The following ZNF841 variants were observed in gnomAD, a reference collection of about 807,000 sequenced individuals.
ZNF841 encodes zinc finger protein 841, also known as TCONS_00006091.
In ZNF841, 11 loss-of-function variants were observed where a neutral mutation model predicts 13.0. The ratio of observed to expected loss-of-function variants is 0.85; its 90% CI spans 0.53 to 1.40. The LOEUF (loss-of-function observed/expected upper bound fraction) is 1.40. Among genes scored for constraint, ZNF841 ranks in the 40% most tolerant of loss-of-function variants. The pLI, the probability that ZNF841 is intolerant of heterozygous loss-of-function variation, is 0.00. For missense variants in ZNF841, 1,068 were observed against 1,139.5 expected (o/e 0.94, Z 0.90); for synonymous variants, 369 against 381.6 (o/e 0.97, Z 0.38).
chr19:52,093,130 C>A (rs894979246), intron 2 of ZNF841, among the ~76,000 whole-genome samples: 2 of 151,956 alleles, frequency 1.3e-5, no homozygotes, highest in African/African-American at 2.4e-5. Flanking sequence ...AAAAAGAAAA[C>A]CTTACAAAAT....
At position 52,089,373 on chromosome 19, in the gene ZNF841, T is replaced by C. The variant is rs150964235; in HGVS notation, c.-143-371A>G. Among the ~76,000 whole-genome samples the C allele has an allele frequency of 6.0e-3, 909 of 152,192 alleles. 8 individuals are homozygous for C. The highest frequency in any genetic ancestry group is 0.021 in the African/African-American group (863 of 41,530). On this transcript the variant is annotated intron_variant, in intron 2 of 6. Coordinates refer to ENST00000594440, the MANE Select transcript of ZNF841 (RefSeq NM_001136499.2). ...AAAATCATTAATGAGCCAGGCATGA[T>C]TGCTCACCCCTGTAATCCCAGCACT...
At chr19:52,078,242 A>G (rs1228705605) in intron 4 of ZNF841, among the ~76,000 whole-genome samples, 1 of 152,030 alleles carries the variant, frequency 6.6e-6, no homozygotes, top group Admixed American at 6.6e-5. Context: ...GGCCGAGATC[A>G]TGCCACTGCA....
chr19:52,075,306 G>A (rs2087863492), intron 6 of ZNF841, among the ~76,000 whole-genome samples: 1 of 152,220 alleles, frequency 6.6e-6, no homozygotes, highest in Non-Finnish European at 1.5e-5. Flanking sequence ...CTTGAAATGA[G>A]ACAGTGCTCT....
intron 2 of ZNF841, among the ~76,000 whole-genome samples, chr19:52,093,509 T>C (rs1002542857): frequency 2.6e-5 from 4 of 152,310 alleles, no homozygotes; most frequent in East Asian, 3.9e-4. Flanking sequence ...TTTTCTGTTA[T>C]AAAATGAAGA....
chr19:52,067,279 T>C lies in ZNF841; in HGVS notation c.603A>G (p.Ala201=). ...TTTGATTACATCCATAAATTTTCTC[T>C]GCAGTTTGAAATTTCTGCAATTCAC... The part of the protein sequence containing the change: ...GLGELQKFQT[A]EKIYGCNQIE... The change falls in exon 7 of 7, where the codon GCA becomes GCG. Residue 201 remains alanine, a synonymous_variant. Coordinates refer to ENST00000594440, the MANE Select transcript of ZNF841 (RefSeq NM_001136499.2). The C allele has an allele frequency of 6.4e-7, 1 of 1,551,790 alleles. No homozygotes were observed.
At chr19:52,077,930 A>T (rs2087958383) in intron 4 of ZNF841, among the ~76,000 whole-genome samples, 1 of 152,190 alleles carries the variant, frequency 6.6e-6, no homozygotes, top group Admixed American at 6.5e-5. Flanking sequence ...CGAATGCTAC[A>T]GTATACTGAC....
intron 6 of ZNF841, among the ~76,000 whole-genome samples, chr19:52,073,776 T>G (rs1231121398): frequency 6.6e-6 from 1 of 152,174 alleles, no homozygotes; most frequent in African/African-American, 2.4e-5. Context: ...TGGACATGAA[T>G]GTAGATAGGA....
chr19:52,077,139 T>A, intron 4 of ZNF841, 55 bp from the exon 5 acceptor site: 2 of 1,534,514 alleles, frequency 1.3e-6, no homozygotes, highest in Non-Finnish European at 1.8e-6. Flanking sequence ...TATCTTTACA[T>A]AAAATGAGAA....
At chr19:52,090,495 A>G (rs2088433311) in intron 2 of ZNF841, among the ~76,000 whole-genome samples, 1 of 151,836 alleles carries the variant, frequency 6.6e-6, no homozygotes, top group Non-Finnish European at 1.5e-5. Flanking sequence ...GCTACCTGGG[A>G]GCCTGAGGCA....
downstream of ZNF841, among the ~76,000 whole-genome samples, chr19:52,062,969 G>A (rs1245365421): frequency 1.3e-5 from 2 of 149,768 alleles, no homozygotes; most frequent in African/African-American, 5.0e-5. Context: ...TCAGCCTCCC[G>A]GGTTCAAACA....
intron 4 of ZNF841, among the ~76,000 whole-genome samples, chr19:52,077,329 T>C (rs369309189): frequency 5.3e-5 from 8 of 152,340 alleles, no homozygotes; most frequent in East Asian, 1.9e-4. Flanking sequence ...AATAAACACA[T>C]GGTTATCCCT....
intron 6 of ZNF841, among the ~76,000 whole-genome samples, chr19:52,074,895 A>T (rs187787628): frequency 2.4e-3 from 366 of 152,304 alleles, no homozygotes; most frequent in African/African-American, 8.4e-3. Flanking sequence ...TTGCCACAGT[A>T]CCCTTGAAAG....
chr19:52,081,502 A>C (rs181075378), intron 4 of ZNF841, among the ~76,000 whole-genome samples: 2 of 152,356 alleles, frequency 1.3e-5, no homozygotes. Flanking sequence ...AAACTATATG[A>C]ACTATGCATG....
intron 2 of ZNF841, among the ~76,000 whole-genome samples, chr19:52,092,898 A>T (rs1213482799): frequency 6.6e-6 from 1 of 152,214 alleles, no homozygotes; most frequent in Admixed American, 6.5e-5. Flanking sequence ...AGGCGGGCAG[A>T]TCACGAGGTC....
intron 6 of ZNF841, among the ~76,000 whole-genome samples, chr19:52,068,230 G>C (rs2087641683): frequency 6.6e-6 from 1 of 152,032 alleles, no homozygotes; most frequent in Non-Finnish European, 1.5e-5. Context: ...GAGATCACTG[G>C]CTTTTAAAGA....
chr19:52,088,603 A>T (rs1405624135), intron 3 of ZNF841, among the ~76,000 whole-genome samples: 1 of 152,210 alleles, frequency 6.6e-6, no homozygotes, highest in Non-Finnish European at 1.5e-5. Flanking sequence ...TTCAATCATA[A>T]CTGCATTAAT....
At chr19:52,069,352 G>A (rs2087677871) in intron 6 of ZNF841, among the ~76,000 whole-genome samples, 1 of 152,120 alleles carries the variant, frequency 6.6e-6, no homozygotes, top group Admixed American at 6.5e-5. Flanking sequence ...TGGGATTATA[G>A]GCATGAGCCA....
Position 52,066,108 on chromosome 19 carries a change from T to C in ZNF841, c.1774A>G (p.Thr592Ala), listed in dbSNP as rs773740374. 9.3e-6 allele frequency: 15 copies of C among 1,613,994 alleles called. No individual in the cohort carries two copies. The Admixed American group carries it at 2.2e-4, about 23-fold the overall frequency. The part of the protein sequence containing the change: ...SCLARHQRMH[T>A]GEKPYKCNVC... ...TTACATTTGTAAGGTTTCTCTCCGG[T>C]ATGCATTCTTTGATGACGTGCTAGG... The change falls in exon 7 of 7, where the codon ACC becomes GCC. Residue 592 changes from threonine to alanine, a missense_variant. Coordinates refer to ENST00000594440, the MANE Select transcript of ZNF841 (RefSeq NM_001136499.2).
chr19:52,067,646 C>G, intron 6 of ZNF841, 36 bp from the exon 7 acceptor site: 1 of 1,340,760 alleles, frequency 7.5e-7, no homozygotes, highest in Non-Finnish European at 9.9e-7. Flanking sequence ...TTTAAAATAA[C>G]TATTATTGGT....
Sources: allele counts gnomAD v4.1 joint callset (sites outside exome capture counted in the v4.1 genomes callset), GRCh38; gene constraint gnomAD v4.1.1; transcripts MANE v1.5; gene names NCBI Gene and HGNC (gene_info 2026-07-23, HGNC 2026-07-21).